Variants in DAB1 observed in about 807,000 individuals in gnomAD.
DAB1 encodes disabled homolog 1.
DAB1 carries 15 observed loss-of-function variants against 64.6 expected under a neutral mutation model. The observed-to-expected ratio is 0.23, with a 90% CI of 0.16 to 0.36. The LOEUF (loss-of-function observed/expected upper bound fraction) is 0.36. DAB1 is among the 10% of genes least tolerant of loss of function. The pLI is 1.00. For synonymous variants in DAB1, 235 were observed against 251.9 expected (o/e 0.93, Z 0.64); for missense variants, 596 against 706.7 (o/e 0.84, Z 1.78).
At chr1:57,267,706 G>A (rs1670693577) in intron 2 of DAB1, among the ~76,000 whole-genome samples, 1 of 152,138 alleles carries the variant, frequency 6.6e-6, no homozygotes, top group African/African-American at 2.4e-5. Context: ...GCACTACACG[G>A]TAGGACTGAG....
At chr1:58,470,329 G>A (rs142508933) in intron 3 of DAB1, among the ~76,000 whole-genome samples, 170 of 151,814 alleles carry the variant, frequency 1.1e-3, no homozygotes, top group African/African-American at 3.8e-3. Context: ...GTGCAGCACC[G>A]CACCCAGCTA....
At chr1:57,158,271 G>C (rs941803487) in intron 2 of DAB1, among the ~76,000 whole-genome samples, 2 of 152,144 alleles carry the variant, frequency 1.3e-5, no homozygotes, top group Non-Finnish European at 2.9e-5. Flanking sequence ...CCATAGCAAA[G>C]TTGTAGTGCA....
At chr1:57,910,011 CAG>C (rs1217992271) in intron 5 of DAB1, among the ~76,000 whole-genome samples, 4 of 152,204 alleles carry the variant, frequency 2.6e-5, no homozygotes, top group Non-Finnish European at 5.9e-5. Flanking sequence ...CTGCCTGCTA[CAG>C]AGTCTCATAA....
chr1:57,960,916 G>A (rs1292857791), intron 5 of DAB1, among the ~76,000 whole-genome samples: 2 of 152,210 alleles, frequency 1.3e-5, no homozygotes, highest in Admixed American at 1.3e-4. Context: ...CAGGTAAGAG[G>A]GACAGAATCA....
chr1:57,571,756 T>C (rs546084974), intron 7 of DAB1, among the ~76,000 whole-genome samples: 2 of 152,314 alleles, frequency 1.3e-5, no homozygotes, highest in African/African-American at 4.8e-5. Flanking sequence ...CATTTCTCTC[T>C]GGACAGGAAT....
intron 1 of DAB1, chr1:57,875,008 G>A (rs530301824): frequency 1.7e-4 from 26 of 152,274 alleles, no homozygotes; most frequent in African/African-American, 5.3e-4. Flanking sequence ...CTCAGAGCAA[G>A]TGCTTTGGTT....
chr1:57,508,692 G>A lies in DAB1; in HGVS notation n.625+140900C>T, dbSNP rs1644374409. ...ACAAAAAACAGGCAGGTAGTGGGATGGATTTGGCCCATAGGCTGTAGTTTG... is the reference window on the plus strand; with the variant it reads ...ACAAAAAACAGGCAGGTAGTGGGATAGATTTGGCCCATAGGCTGTAGTTTG... On this transcript the variant is annotated intron_variant and non_coding_transcript_variant, in intron 7 of 20. Coordinates refer to the DAB1 transcript ENST00000485760. Among the ~76,000 whole-genome samples, 2 of 152,152 alleles carry A rather than the reference G, an allele frequency of 1.3e-5. 1 individual carries two copies. Among genetic ancestry groups the A allele is most frequent in the Admixed American group, 1.3e-4 (2 of 15,282 alleles).
intron 3 of DAB1, among the ~76,000 whole-genome samples, chr1:58,403,262 T>G (rs1273559986): frequency 6.7e-6 from 1 of 149,570 alleles, no homozygotes; most frequent in Non-Finnish European, 1.5e-5. Flanking sequence ...CTTTTTTGCT[T>G]AAGCTAACCA....
At chr1:57,414,599 T>G (rs1684354899) in intron 1 of DAB1, among the ~76,000 whole-genome samples, 1 of 152,174 alleles carries the variant, frequency 6.6e-6, no homozygotes, top group African/African-American at 2.4e-5. Flanking sequence ...CAGCCGTATC[T>G]CCCATGGATG....
intron 7 of DAB1, among the ~76,000 whole-genome samples, chr1:57,476,308 A>G (rs1643937151): frequency 6.6e-6 from 1 of 151,884 alleles, no homozygotes; most frequent in Non-Finnish European, 1.5e-5. Context: ...TGTATATTTT[A>G]TATTATCTGT....
In DAB1 at chr1:57,508,795, G is replaced by A. The variant is rs115668830; in HGVS notation, n.625+140797C>T. On this transcript the variant is annotated intron_variant and non_coding_transcript_variant, in intron 7 of 20. Coordinates refer to the DAB1 transcript ENST00000485760. ...GCCAGATTCTAAATTCCTTGAGATA[G>A]GGAGAGAATCTTATTAGAGTACAAA... Among the ~76,000 whole-genome samples the A allele has an allele frequency of 7.0e-3, 1,058 of 152,224 alleles. 9 individuals are homozygous for A. Among genetic ancestry groups the A allele is most frequent in the African/African-American group, 0.025 (1,022 of 41,536 alleles).
intron 1 of DAB1, among the ~76,000 whole-genome samples, chr1:57,374,124 A>C (rs769388150): frequency 3.0e-4 from 46 of 152,232 alleles, no homozygotes; most frequent in Non-Finnish European, 5.9e-4. Flanking sequence ...TAAAATAAAC[A>C]AACAAACCAA....
rs1164191555 is a variant in DAB1 at position 57,636,120 on chromosome 1, CA to C, written n.625+13471del. 1.8e-4 allele frequency among the ~76,000 whole-genome samples: 17 copies of C among 93,572 alleles called. No homozygotes were observed. In the South Asian group the frequency reaches 4.8e-3, roughly 27 times the overall value. The allele number at this position is 93,572 out of a possible 152,430, so 61.4% of individuals were successfully genotyped here. A position where few individuals can be genotyped will look rare whatever the true frequency, so the allele number is the denominator to read the frequency against. ...TCAAAAAAAAAAAAAAAAACAAAAACAAAAAACTGGTGCCCTTATAAGAAAA... is the reference window on the plus strand; with the variant it reads ...TCAAAAAAAAAAAAAAAAACAAAAACAAAAACTGGTGCCCTTATAAGAAAA... On this transcript the variant is annotated intron_variant and non_coding_transcript_variant, in intron 7 of 20. Transcript: ENST00000485760.
chr1:57,757,179 C>T (rs1270134032), intron 6 of DAB1, among the ~76,000 whole-genome samples: 1 of 130,306 alleles, frequency 7.7e-6, no homozygotes, highest in Non-Finnish European at 1.7e-5. Context: ...GAGGTCCATG[C>T]TGCTGGCCCA....
chr1:58,332,178 T>G (rs974103531), intron 4 of DAB1, among the ~76,000 whole-genome samples: 1 of 152,184 alleles, frequency 6.6e-6, no homozygotes, highest in African/African-American at 2.4e-5. Context: ...ACATCTTGCC[T>G]GATTCTCCCA....
intron 2 of DAB1, among the ~76,000 whole-genome samples, chr1:57,281,224 C>A (rs751863840): frequency 2.6e-5 from 4 of 152,112 alleles, no homozygotes; most frequent in Non-Finnish European, 5.9e-5. Context: ...AGAGAATAAA[C>A]CTTATTTAAA....
chr1:57,128,116 C>T (rs111692573), intron 4 of DAB1, among the ~76,000 whole-genome samples: 1 of 151,280 alleles, frequency 6.6e-6, no homozygotes, highest in African/African-American at 2.4e-5. Flanking sequence ...CATGGCACTC[C>T]AGCCTGGGAG....
intron 9 of DAB1, among the ~76,000 whole-genome samples, chr1:57,036,454 T>G (rs1647155452): frequency 6.6e-6 from 1 of 152,206 alleles, no homozygotes; most frequent in Non-Finnish European, 1.5e-5. Context: ...AGACACCCAG[T>G]GCACTTCCTC....
chr1:57,151,968 C>G (rs779890313), intron 2 of DAB1, among the ~76,000 whole-genome samples: 2 of 151,982 alleles, frequency 1.3e-5, no homozygotes, highest in African/African-American at 4.8e-5. Context: ...TGCCCGCCAC[C>G]ATGCCCGGCT....
Sources: gnomAD v4.1 joint callset for allele counts (sites outside exome capture counted in the v4.1 genomes callset) on GRCh38, gnomAD v4.1.1 for gene constraint, MANE v1.5 for transcripts, NCBI Gene and HGNC (gene_info 2026-07-23, HGNC 2026-07-21) for gene names.